The following WWC2 variants were observed in gnomAD, a reference collection of about 807,000 sequenced individuals.
WWC2 encodes the protein WW and C2 domain containing 2.
A neutral mutation model predicts 138.5 loss-of-function variants in WWC2; 101 were observed. The observed-to-expected ratio is 0.73, with a 90% CI of 0.62 to 0.86. The LOEUF is 0.86. Among genes scored for constraint, WWC2 ranks in the 40% least tolerant of loss-of-function variants. The pLI, the probability that WWC2 is intolerant of heterozygous loss-of-function variation, is 0.00. For missense variants in WWC2, 1,420 were observed against 1,419.4 expected, an observed-to-expected ratio of 1.00 and a Z score of -0.01; for synonymous variants, 558 against 538.4, an observed-to-expected ratio of 1.04 and a Z score of -0.50.
At chr4:183,179,553 C>T (rs1734562795) in intron 1 of WWC2, among the ~76,000 whole-genome samples, 2 of 151,844 alleles carry the variant, frequency 1.3e-5, no homozygotes, top group African/African-American at 4.8e-5. Context: ...GAGGGTGAGC[C>T]TACAGGATGT....
intron 1 of WWC2, among the ~76,000 whole-genome samples, chr4:183,126,668 G>A (rs1292320709): frequency 6.6e-6 from 1 of 152,270 alleles, no homozygotes; most frequent in Admixed American, 6.5e-5. Flanking sequence ...GAGTGAATAT[G>A]AAGAAGGAAA....
chr4:183,163,946 A>C (rs1288292162), intron 1 of WWC2, among the ~76,000 whole-genome samples: 1 of 152,156 alleles, frequency 6.6e-6, no homozygotes, highest in African/African-American at 2.4e-5. Flanking sequence ...AGATAAAATG[A>C]AATTAGTATT....
chr4:183,312,841 C>T (rs1177732702), intron 22 of WWC2, among the ~76,000 whole-genome samples: 4 of 152,202 alleles, frequency 2.6e-5, no homozygotes, highest in Non-Finnish European at 5.9e-5. Flanking sequence ...TTGTCAGGCT[C>T]TGAGATGTGG....
Position 183,264,966 on chromosome 4 carries a change from T to C in WWC2, c.1910-12T>C, listed in dbSNP as rs762227025. 13 of 1,608,894 alleles carry C rather than the reference T, an allele frequency of 8.1e-6. No individual in the cohort carries two copies. Among genetic ancestry groups the C allele is most frequent in the Non-Finnish European group, 5.1e-6 (6 of 1,177,358 alleles). ...GACATTCTGATTAGTGCTCTCACCC[T>C]CCCCTCCATAGATGTGGAAAAATCA... On this transcript the variant is annotated splice_polypyrimidine_tract_variant and intron_variant, in intron 11 of 22. Transcript: ENST00000403733.
At chr4:183,129,484 A>G (rs1422313241) in intron 1 of WWC2, among the ~76,000 whole-genome samples, 8 of 152,194 alleles carry the variant, frequency 5.3e-5, no homozygotes, top group Non-Finnish European at 1.2e-4. Context: ...GACCTCATTT[A>G]TGGGAGATTT....
chr4:183,298,853 C>T (rs1424525992), intron 21 of WWC2, among the ~76,000 whole-genome samples: 3 of 152,074 alleles, frequency 2.0e-5, no homozygotes, highest in Non-Finnish European at 4.4e-5. Flanking sequence ...GGAACTGAAC[C>T]TTTAGGGTAC....
rs188150268 is a variant in WWC2, at chr4:183,270,601, T to C, written c.2401-479T>C. On this transcript the variant is annotated intron_variant, in intron 15 of 22. Transcript: ENST00000403733. ...CAACATGGTGAAACCCTGTCTCTAC[T>C]AAAAATACAAAAATTAGCTGGGTGT... 4.6e-3 allele frequency among the ~76,000 whole-genome samples: 699 copies of C among 152,022 alleles called. 4 individuals are homozygous for C. Among genetic ancestry groups the C allele is most frequent in the African/African-American group, 0.016 (669 of 41,452 alleles).
intron 4 of WWC2, among the ~76,000 whole-genome samples, chr4:183,214,550 T>G (rs1245386770): frequency 6.6e-6 from 1 of 151,978 alleles, no homozygotes; most frequent in African/African-American, 2.4e-5. Flanking sequence ...CCCAGCACTT[T>G]GGGAGGTCGA....
At chr4:183,141,670 G>A (rs1321937810) in intron 1 of WWC2, among the ~76,000 whole-genome samples, 1 of 152,106 alleles carries the variant, frequency 6.6e-6, no homozygotes, top group African/African-American at 2.4e-5. Flanking sequence ...GTAGGTGCCG[G>A]TGTGTTGCAA....
intron 16 of WWC2, among the ~76,000 whole-genome samples, chr4:183,275,013 A>G (rs1244993400): frequency 2.0e-5 from 3 of 152,144 alleles, no homozygotes; most frequent in Non-Finnish European, 4.4e-5. Context: ...AGAACAGCAG[A>G]ACTTATTCTG....
chr4:183,271,109 A>G lies in WWC2; in HGVS notation c.2430A>G (p.Leu810=), dbSNP rs747035228. 6 of 1,607,028 alleles carry G rather than the reference A, an allele frequency of 3.7e-6. No individual in the cohort carries two copies. Among genetic ancestry groups the G allele is most frequent in the Non-Finnish European group, 5.1e-6 (6 of 1,176,680 alleles). ...GAACTCAGATCAGCCTGGCAGATTT[A>G]CCATTTTCCAGTGAGGTTTTCACTC... ...LAGTQISLAD[L]PFSSEVFTLW... is the part of the protein sequence containing the mutation. The change falls in exon 16 of 23, where the codon TTA becomes TTG. Residue 810 remains leucine, a synonymous_variant. Coordinates refer to ENST00000403733, the MANE Select transcript of WWC2 (RefSeq NM_024949.6).
chr4:183,189,563 C>CT (rs1294896610), intron 1 of WWC2, among the ~76,000 whole-genome samples: 12 of 152,258 alleles, frequency 7.9e-5, no homozygotes, highest in Admixed American at 7.8e-4. Flanking sequence ...TGAAACACAT[C>CT]TTTACTTCCT....
At chr4:183,305,409 T>C (rs1738992540) in intron 21 of WWC2, among the ~76,000 whole-genome samples, 1 of 151,916 alleles carries the variant, frequency 6.6e-6, no homozygotes, top group East Asian at 1.9e-4. Flanking sequence ...AGAAAACTCA[T>C]AAAACACCAA....
At chr4:183,250,812 T>G (rs905876560) in intron 8 of WWC2, among the ~76,000 whole-genome samples, 1 of 152,214 alleles carries the variant, frequency 6.6e-6, no homozygotes, top group African/African-American at 2.4e-5. Flanking sequence ...AACAGGAATT[T>G]ATCATGTTTC....
intron 20 of WWC2, among the ~76,000 whole-genome samples, chr4:183,286,403 T>C (rs928332139): frequency 2.6e-5 from 4 of 152,150 alleles, no homozygotes; most frequent in Admixed American, 2.0e-4. Flanking sequence ...CTTGAGCGAT[T>C]GTGGGAAGGG....
At chr4:183,179,465 C>T (rs79712886) in intron 1 of WWC2, among the ~76,000 whole-genome samples, 3 of 152,020 alleles carry the variant, frequency 2.0e-5, no homozygotes, top group East Asian at 1.9e-4. Flanking sequence ...GGAAGTTAAT[C>T]GGGGCAAGAG....
At chr4:183,260,241 A>AT (rs1438035311) in intron 10 of WWC2, among the ~76,000 whole-genome samples, 1 of 152,088 alleles carries the variant, frequency 6.6e-6, no homozygotes, top group African/African-American at 2.4e-5. Flanking sequence ...TGCTTTCAAT[A>AT]TTTTTTAATG....
intron 14 of WWC2, 74 bp downstream of exon 14, chr4:183,266,025 T>A (rs911521225): frequency 1.5e-5 from 20 of 1,348,574 alleles, no homozygotes; most frequent in Non-Finnish European, 2.1e-5. Context: ...ACTGTAATCA[T>A]ACAGTTCATC....
intron 8 of WWC2, among the ~76,000 whole-genome samples, chr4:183,251,364 G>A (rs181509808): frequency 6.6e-6 from 1 of 152,332 alleles, no homozygotes; most frequent in Admixed American, 6.5e-5. Context: ...AAAGAGAATG[G>A]CCATTACTCA....
Sources: allele counts gnomAD v4.1 joint callset (sites outside exome capture counted in the v4.1 genomes callset), GRCh38; gene constraint gnomAD v4.1.1; transcripts MANE v1.5; gene names NCBI Gene and HGNC (gene_info 2026-07-23, HGNC 2026-07-21).